Variants in PLEKHA7 observed in about 807,000 individuals in gnomAD.
PLEKHA7 encodes the protein pleckstrin homology domain-containing family A member 7.
In PLEKHA7, 104 loss-of-function variants were observed where a neutral mutation model predicts 170.0. That is an observed-to-expected ratio of 0.61 (90% CI 0.52 to 0.72). The LOEUF (loss-of-function observed/expected upper bound fraction) is 0.72, where lower values mean the gene tolerates loss of function less well. Ranked by LOEUF, PLEKHA7 falls within the 30% of genes least tolerant of loss-of-function variation. PLEKHA7 has a pLI of 0.00. For synonymous variants in PLEKHA7, 648 were observed against 660.8 expected, an observed-to-expected ratio of 0.98 and a Z score of 0.30; for missense variants, 1,615 against 1,671.7, an observed-to-expected ratio of 0.97 and a Z score of 0.59.
In PLEKHA7 at chr11:16,946,370, C is replaced by T. The variant is rs112813463; in HGVS notation, c.221+67619G>A. ...AACCCTCAACCCTGGGACCTCTCCC[C>T]GAACGAACGTGTGAAACCCTCCTTT... On this transcript the variant is annotated intron_variant, in intron 3 of 26. Transcript: ENST00000531066. Among the ~76,000 whole-genome samples, 641 of 152,280 alleles carry T rather than the reference C, an allele frequency of 4.2e-3. 3 individuals are homozygous for T. Among genetic ancestry groups the T allele is most frequent in the African/African-American group, 0.014 (601 of 41,548 alleles).
intron 9 of PLEKHA7, among the ~76,000 whole-genome samples, chr11:16,833,884 A>G (rs1851309534): frequency 6.6e-6 from 1 of 152,112 alleles, no homozygotes; most frequent in Non-Finnish European, 1.5e-5. Context: ...TTTTTCTTTC[A>G]TGAAAGGTAA....
At chr11:16,837,273 C>T (rs1438893048) in intron 9 of PLEKHA7, among the ~76,000 whole-genome samples, 20 of 152,148 alleles carry the variant, frequency 1.3e-4, no homozygotes, top group Admixed American at 1.2e-3. Flanking sequence ...AGGGGAGGAG[C>T]CCTTCCAACA....
intron 4 of PLEKHA7, 83 bp from the exon 5 acceptor site, chr11:16,855,997 C>T (rs927396804): frequency 5.1e-5 from 61 of 1,199,450 alleles, no homozygotes; most frequent in Middle Eastern, 4.2e-4. Flanking sequence ...AGGTAGGAAT[C>T]GGTTGTTGGG....
At chr11:17,010,175 G>C (rs966846445) in intron 3 of PLEKHA7, among the ~76,000 whole-genome samples, 5 of 152,032 alleles carry the variant, frequency 3.3e-5, no homozygotes, top group Non-Finnish European at 7.4e-5. Flanking sequence ...ATCACTTCAG[G>C]TCAGGAGTTT....
intron 9 of PLEKHA7, among the ~76,000 whole-genome samples, 181 bp from the exon 10 acceptor site, chr11:16,826,771 C>T (rs1286441172): frequency 6.6e-6 from 1 of 152,208 alleles, no homozygotes; most frequent in Non-Finnish European, 1.5e-5. Flanking sequence ...TGGCTTAACA[C>T]CACCTCCTCC....
At chr11:17,004,294 C>G (rs1218418339) in intron 3 of PLEKHA7, among the ~76,000 whole-genome samples, 3 of 152,162 alleles carry the variant, frequency 2.0e-5, no homozygotes, top group African/African-American at 7.2e-5. Flanking sequence ...GCTGAAATGT[C>G]TGAGAAGCCT....
intron 3 of PLEKHA7, among the ~76,000 whole-genome samples, chr11:16,925,398 G>A (rs1217105311): frequency 2.0e-5 from 3 of 152,144 alleles, no homozygotes; most frequent in African/African-American, 7.2e-5. Flanking sequence ...ATGGCTGGCC[G>A]GGGACTAGCC....
intron 3 of PLEKHA7, among the ~76,000 whole-genome samples, chr11:16,986,227 C>A (rs1256857932): frequency 6.6e-6 from 1 of 152,068 alleles, no homozygotes; most frequent in Non-Finnish European, 1.5e-5. Context: ...GTATTTGGGC[C>A]CCTGTAGGGA....
chr11:16,790,901 C>T lies in PLEKHA7; in HGVS notation c.2949G>A (p.Ser983=), dbSNP rs768979909. 58 of 1,613,092 alleles carry T rather than the reference C, an allele frequency of 3.6e-5. No homozygotes were observed. The highest frequency in any genetic ancestry group is 4.5e-5 in the Non-Finnish European group (53 of 1,179,708). Residue 983 remains serine, a synonymous_variant, in exon 21 of 27, where the codon TCG becomes TCA. Coordinates refer to ENST00000531066, the MANE Select transcript of PLEKHA7 (RefSeq NM_001329630.2). ...VNGDSRVELR[S]YVSEPELATL... ...TCGCCAGCTCAGGCTCACTGACATA[C>T]GACCGCAGCTCCACCTGTGGGCAGA...
chr11:16,782,631 G>GA, intron 26 of PLEKHA7, 123 bp downstream of exon 26: 1 of 1,269,142 alleles, frequency 7.9e-7, no homozygotes, highest in Non-Finnish European at 1.1e-6. Context: ...ACACACCACT[G>GA]ACCCTCAACT....
At chr11:16,799,258 T>C (rs58097750) in intron 17 of PLEKHA7, among the ~76,000 whole-genome samples, 198 of 152,364 alleles carry the variant, frequency 1.3e-3, no homozygotes, top group African/African-American at 4.6e-3. Flanking sequence ...GTAAGTGTGA[T>C]CCTCTTCAAG....
At position 16,789,680 on chromosome 11, in the gene PLEKHA7, A is replaced by G. The variant is rs944068743; in HGVS notation, c.3156+95T>C. On this transcript the variant is annotated intron_variant, in intron 22 of 26. Coordinates refer to ENST00000531066, the MANE Select transcript of PLEKHA7 (RefSeq NM_001329630.2). The surrounding 1 kb of genome is among the most constrained non-coding windows in gnomAD (Gnocchi z 4.6). The stretch of plus-strand genomic sequence containing the variant: ...TGAGGCCACCCCAGAGGCCATCCCC[A>G]GGGCTGAAGGGATGGCCAGTTACTG... The G allele has an allele frequency of 2.1e-5, 24 of 1,132,534 alleles. No individual in the cohort carries two copies. Among genetic ancestry groups the G allele is most frequent in the Non-Finnish European group, 2.9e-5 (23 of 780,128 alleles). 70.2% of individuals were successfully genotyped at this position (1,132,534 alleles called of 1,614,324 possible).
chr11:16,847,078 G>GTT (rs1221318542), intron 8 of PLEKHA7, among the ~76,000 whole-genome samples: 5 of 129,544 alleles, frequency 3.9e-5, no homozygotes, highest in Admixed American at 7.9e-5. Flanking sequence ...TGTGGCTGAA[G>GTT]TTTTTTTTTT....
chr11:16,841,481 G>A (rs1564994685), intron 9 of PLEKHA7, 66 bp downstream of exon 9: 2 of 1,527,682 alleles, frequency 1.3e-6, no homozygotes, highest in Non-Finnish European at 1.8e-6. Context: ...GCACCCAAGA[G>A]GACCTATCTG....
chr11:16,900,212 G>C lies in PLEKHA7; in HGVS notation c.222-29030C>G, dbSNP rs189835247. The stretch of plus-strand genomic sequence containing the variant: ...ACTCTACACATTTAAGGCTCTCACA[G>C]GCTGTAAATCCTCAGCTTTACTCTG... On this transcript the variant is annotated intron_variant, in intron 3 of 26. Transcript: ENST00000531066. Among the ~76,000 whole-genome samples, 17 of 152,282 alleles carry C rather than the reference G, an allele frequency of 1.1e-4. No homozygotes were observed. In the East Asian group the frequency reaches 2.9e-3, roughly 26 times the overall value.
At chr11:16,797,870 AC>A (rs1406611764) in intron 17 of PLEKHA7, among the ~76,000 whole-genome samples, 1 of 151,766 alleles carries the variant, frequency 6.6e-6, no homozygotes, top group Non-Finnish European at 1.5e-5. Context: ...CCTTTCTGTC[AC>A]CCCCACATGT....
chr11:16,996,128 C>T (rs1864324288), intron 3 of PLEKHA7, among the ~76,000 whole-genome samples: 1 of 152,210 alleles, frequency 6.6e-6, no homozygotes, highest in African/African-American at 2.4e-5. Context: ...GTTCTGGAGA[C>T]TAAGTAGTTT....
At position 17,014,016 on chromosome 11, in the gene PLEKHA7, G is replaced by A. The variant is rs1232504466; in HGVS notation, c.194C>T (p.Thr65Met). 2.6e-6 allele frequency: 4 copies of A among 1,549,656 alleles called. No homozygotes were observed. Among genetic ancestry groups the A allele is most frequent in the African/African-American group, 1.4e-5 (1 of 72,696 alleles). ...DLPRGWEEGF[T>M]EEGASYFIDH... ...GATGAAGTAGCTGGCGCCCTCCTCCGTGAAGCCCTCCTCCCAGCCGCGGGG... is the reference window on the plus strand; with the variant it reads ...GATGAAGTAGCTGGCGCCCTCCTCCATGAAGCCCTCCTCCCAGCCGCGGGG... The change falls in exon 3 of 27, where the codon ACG becomes ATG. Residue 65 changes from threonine to methionine, a missense_variant. Coordinates refer to ENST00000531066, the MANE Select transcript of PLEKHA7 (RefSeq NM_001329630.2).
intron 3 of PLEKHA7, among the ~76,000 whole-genome samples, chr11:17,002,141 T>C (rs1864703665): frequency 6.6e-6 from 1 of 152,162 alleles, no homozygotes; most frequent in Non-Finnish European, 1.5e-5. Flanking sequence ...TCTTCTACCC[T>C]GCCTTTCTGA....
Sources: allele counts gnomAD v4.1 joint callset (sites outside exome capture counted in the v4.1 genomes callset), GRCh38; gene constraint gnomAD v4.1.1; non-coding constraint Gnocchi (gnomAD v3.1); transcripts MANE v1.5; gene names NCBI Gene and HGNC (gene_info 2026-07-23, HGNC 2026-07-21).